The following ITGAE variants were observed in gnomAD, a reference collection of about 807,000 sequenced individuals.
The protein encoded by ITGAE is integrin subunit alpha E, also known as integrin alpha-E.
In ITGAE, 99 loss-of-function variants were observed where a neutral mutation model predicts 136.5. The observed-to-expected ratio is 0.73, with a 90% CI of 0.62 to 0.86. The LOEUF (loss-of-function observed/expected upper bound fraction) is 0.86, where lower values mean the gene tolerates loss of function less well. Among genes scored for constraint, ITGAE ranks in the 40% least tolerant of loss-of-function variants. The pLI, the probability that ITGAE is intolerant of heterozygous loss-of-function variation, is 0.00. For missense variants in ITGAE, 1,447 were observed against 1,515.3 expected, an observed-to-expected ratio of 0.95 and a Z score of 0.75; for synonymous variants, 613 against 591.8, an observed-to-expected ratio of 1.04 and a Z score of -0.52.
intron 28 of ITGAE, chr17:3,721,726 G>A (rs968349210): frequency 3.9e-5 from 6 of 152,308 alleles, no homozygotes; most frequent in Admixed American, 3.3e-4. Context: ...TTTAGAATAA[G>A]TGATCAGGGA....
chr17:3,755,064 A>AGGCCCCGCCCCCATCAGGT (rs1567535477), intron 12 of ITGAE, 53 bp downstream of exon 12: 2 of 751,262 alleles, frequency 2.7e-6, no homozygotes, highest in Non-Finnish European at 3.9e-6. Flanking sequence ...GGGAGCCTCC[A>AGGCCCCGCCCCCATCAGGT]GGCCCCGCCC....
chr17:3,748,065 G>A lies in ITGAE; in HGVS notation c.2025-13C>T, dbSNP rs1158272259. 2 of 1,604,964 alleles carry A rather than the reference G, an allele frequency of 1.2e-6. No homozygotes were observed. Among genetic ancestry groups the A allele is most frequent in the Non-Finnish European group, 8.5e-7 (1 of 1,174,612 alleles). ...CACAGGCCGGGAGCTAAACAAGACA[G>A]CAAAGAGGATGGGAGAAGTGACTGC... On this transcript the variant is annotated splice_polypyrimidine_tract_variant and intron_variant, in intron 16 of 30. Coordinates refer to ENST00000263087, the MANE Select transcript of ITGAE (RefSeq NM_002208.5).
intron 7 of ITGAE, among the ~76,000 whole-genome samples, 179 bp downstream of exon 7, chr17:3,759,993 G>A (rs1193986172): frequency 6.6e-6 from 1 of 152,164 alleles, no homozygotes; most frequent in Non-Finnish European, 1.5e-5. Flanking sequence ...CCCCAGTCAA[G>A]CAACCAGACG....
At chr17:3,780,147 GT>G (rs1021599014) in intron 1 of ITGAE, among the ~76,000 whole-genome samples, 3 of 147,360 alleles carry the variant, frequency 2.0e-5, no homozygotes, top group African/African-American at 7.5e-5. Context: ...CTAATTTTTG[GT>G]TTTTTTGTTT....
chr17:3,786,166 CAAA>C (rs369144318), intron 1 of ITGAE, among the ~76,000 whole-genome samples: 1 of 58,416 alleles, frequency 1.7e-5, no homozygotes, highest in African/African-American at 5.5e-5. Flanking sequence ...GACTCCATCT[CAAA>C]AAAAAAAAAA....
rs111654074 is a variant in ITGAE, at chr17:3,798,641, C to T, written c.34+2470G>A. ...CCCGGCACAGCCCCTGGCCTCAGCC[C>T]GAGTGCGTGCCACCAGCAGAGCGGG... On this transcript the variant is annotated intron_variant, in intron 1 of 30. Coordinates refer to ENST00000263087, the MANE Select transcript of ITGAE (RefSeq NM_002208.5). The surrounding 1 kb of genome is among the most constrained non-coding windows in gnomAD (Gnocchi z 4.3). Among the ~76,000 whole-genome samples, 6,543 of 152,286 alleles carry T rather than the reference C, an allele frequency of 0.043. 184 individuals are homozygous for T. Among genetic ancestry groups the T allele is most frequent in the Non-Finnish European group, 0.047 (3,193 of 68,016 alleles).
intron 1 of ITGAE, among the ~76,000 whole-genome samples, chr17:3,785,416 C>G (rs1391431280): frequency 6.6e-6 from 1 of 150,756 alleles, no homozygotes; most frequent in African/African-American, 2.4e-5. Context: ...TTGCAGTGAG[C>G]CGAGATCGTG....
At chr17:3,759,752 G>T (rs1597341712) in intron 7 of ITGAE, among the ~76,000 whole-genome samples, 199 bp from the exon 8 acceptor site, 2 of 152,226 alleles carry the variant, frequency 1.3e-5, no homozygotes, top group South Asian at 4.1e-4. Flanking sequence ...GTGAATCACA[G>T]ACTTCTCCCC....
chr17:3,791,899 G>A (rs1010196194), intron 1 of ITGAE, among the ~76,000 whole-genome samples: 2 of 152,150 alleles, frequency 1.3e-5, no homozygotes, highest in Non-Finnish European at 2.9e-5. Flanking sequence ...CTTGATCATT[G>A]TGTCATCCGC....
At position 3,751,711 on chromosome 17, in the gene ITGAE, C is replaced by T. The variant is rs202209961; in HGVS notation, c.1832G>A (p.Ser611Asn). The change falls in exon 15 of 31, where the codon AGC (serine) becomes AAC (asparagine). Residue 611 changes from serine to asparagine, a missense_variant. Ser to Asn is a conservative substitution (Grantham distance 46, BLOSUM62 1). Around this residue, in one of 3 missense-constraint regions of ITGAE, gnomAD observed 1,031 missense variants for 1,011.4 expected, o/e 1.02. Transcript: ENST00000263087. ...LEGFGADDGA[S>N]FGSVYIYNGH... ...ATTGTAGATATACACACTGCCGAAG[C>T]TGGCACCATCATCTGCCCCAAAACC... 5.0e-6 allele frequency: 8 copies of T among 1,613,938 alleles called. No homozygotes were observed. The highest frequency in any genetic ancestry group is 1.7e-5 in the Admixed American group (1 of 59,980).
chr17:3,749,172 A>T lies in ITGAE; in HGVS notation c.2025-1120T>A, dbSNP rs949141463. On this transcript the variant is annotated intron_variant, in intron 16 of 30. Transcript: ENST00000263087. Reference sequence around the variant, plus strand: ...TTCATCCTGAATTGCTGGGTGGATGATGATGCCATTTGCTGAGACAGAAAG... The same window carrying T: ...TTCATCCTGAATTGCTGGGTGGATGTTGATGCCATTTGCTGAGACAGAAAG... 4.7e-5 allele frequency among the ~76,000 whole-genome samples: 7 copies of T among 150,338 alleles called. 2 individuals carry two copies.
rs147766404 is a variant in ITGAE at position 3,750,364 on chromosome 17, G to T, written c.2012C>A (p.Ala671Glu). Residue 671 changes from alanine (A) to glutamate (E), a missense_variant, in exon 16 of 31, where the codon GCG becomes GAG. By Grantham distance (107) the Ala-to-Glu change is moderately radical. Coordinates refer to ENST00000263087, the MANE Select transcript of ITGAE (RefSeq NM_002208.5). ...GACAGAACCCTACCGGAACACAACC[G>T]CCTGGCCCAGAGTGCCCACGGTGAT... Reference protein sequence around the residue: ...ADITVGTLGQAVVFRSRPVVR... With the variant: ...ADITVGTLGQEVVFRSRPVVR... The T allele has an allele frequency of 1.9e-5, 30 of 1,613,930 alleles. No individual in the cohort carries two copies. Among genetic ancestry groups the T allele is most frequent in the Non-Finnish European group, 1.1e-5 (13 of 1,179,998 alleles).
At position 3,745,872 on chromosome 17, in the gene ITGAE, C is replaced by T; in HGVS notation, c.2211G>A (p.Arg737=). 1 of 1,614,038 alleles carries T rather than the reference C, an allele frequency of 6.2e-7. No individual in the cohort carries two copies. The highest frequency in any genetic ancestry group is 8.5e-7 in the Non-Finnish European group (1 of 1,180,018). ...FTLDVDVGKQ[R]RRLQCSDVRS... ...TTACGTCTGAACACTGCAGCCGTCT[C>T]CTCTGCTTCCCCACATCCACATCCA... Residue 737 remains arginine, a synonymous_variant, in exon 18 of 31, where the codon AGG becomes AGA. Transcript: ENST00000263087.
chr17:3,758,117 C>T (rs1168806745), intron 8 of ITGAE, among the ~76,000 whole-genome samples: 3 of 152,170 alleles, frequency 2.0e-5, no homozygotes, highest in Non-Finnish European at 1.5e-5. Context: ...TGTGTGCGTA[C>T]AGGAAGACTC....
intron 14 of ITGAE, among the ~76,000 whole-genome samples, chr17:3,752,348 G>GC (rs2143020237): frequency 6.6e-6 from 1 of 152,302 alleles, no homozygotes; most frequent in South Asian, 2.1e-4. Context: ...ACTGAGGCTC[G>GC]CCGAGCCCCA....
At chr17:3,728,495 C>T (rs2051268385) in intron 24 of ITGAE, 1 of 213,382 alleles carries the variant, frequency 4.7e-6, no homozygotes, top group African/African-American at 2.3e-5. Flanking sequence ...TGCCTAAGCC[C>T]CCAAGTAGCT....
intron 2 of ITGAE, among the ~76,000 whole-genome samples, chr17:3,769,450 T>C (rs940535871): frequency 1.3e-5 from 2 of 149,110 alleles, no homozygotes; most frequent in African/African-American, 4.9e-5. Context: ...CATCATGCAA[T>C]GACATGGCCT....
chr17:3,767,812 A>T (rs1290808990), intron 2 of ITGAE, among the ~76,000 whole-genome samples: 105 of 152,196 alleles, frequency 6.9e-4, no homozygotes, highest in Non-Finnish European at 2.1e-4. Flanking sequence ...GTCTATAGAG[A>T]TGAAGTCTCA....
intron 21 of ITGAE, among the ~76,000 whole-genome samples, chr17:3,733,702 T>A (rs2051398248): frequency 6.6e-6 from 1 of 152,226 alleles, no homozygotes; most frequent in Non-Finnish European, 1.5e-5. Context: ...ATTACAGGCA[T>A]GGGCCACTGC....
Sources: gnomAD v4.1 joint callset for allele counts (sites outside exome capture counted in the v4.1 genomes callset) on GRCh38, gnomAD v4.1.1 for gene constraint, gnomAD v4.1.1 regional missense constraint, Gnocchi (gnomAD v3.1) non-coding constraint, MANE v1.5 for transcripts, NCBI Gene and HGNC (gene_info 2026-07-23, HGNC 2026-07-21) for gene names.